Variants in SNTG1 observed in about 807,000 individuals in gnomAD.
SNTG1 encodes gamma-1-syntrophin.
Under a neutral mutation model 74.7 loss-of-function variants are expected in SNTG1, and 39 were observed. That is an observed-to-expected ratio of 0.52 (90% CI 0.40 to 0.68). The LOEUF (loss-of-function observed/expected upper bound fraction) is 0.68, where lower values mean the gene tolerates loss of function less well. Among genes scored for constraint, SNTG1 ranks in the 30% least tolerant of loss-of-function variants. The pLI is 0.00. For synonymous variants in SNTG1, 254 were observed against 217.1 expected (o/e 1.17, Z -1.49); for missense variants, 685 against 609.5 (o/e 1.12, Z -1.30).
At chr8:50,083,202 T>C (rs1037177905) in intron 1 of SNTG1, among the ~76,000 whole-genome samples, 1 of 152,208 alleles carries the variant, frequency 6.6e-6, no homozygotes, top group Admixed American at 6.5e-5. Context: ...TGTTTCTTAG[T>C]TGGTTTTATG....
intron 2 of SNTG1, among the ~76,000 whole-genome samples, chr8:50,245,154 C>A (rs1044118151): frequency 2.0e-5 from 3 of 152,128 alleles, no homozygotes; most frequent in South Asian, 2.1e-4. Flanking sequence ...ATTGTTCTCT[C>A]TCTTCCAAAT....
At chr8:50,160,370 G>C (rs1408375313) in intron 1 of SNTG1, among the ~76,000 whole-genome samples, 3 of 152,072 alleles carry the variant, frequency 2.0e-5, no homozygotes, top group African/African-American at 7.2e-5. Flanking sequence ...GTTGACTTTT[G>C]AGATGAATTT....
At chr8:49,915,809 G>A (rs912668943) in intron 1 of SNTG1, among the ~76,000 whole-genome samples, 3 of 152,126 alleles carry the variant, frequency 2.0e-5, no homozygotes, top group Admixed American at 6.5e-5. Flanking sequence ...GACAACATGC[G>A]GGCTGATCTA....
intron 11 of SNTG1, among the ~76,000 whole-genome samples, chr8:50,539,225 A>T (rs2094328656): frequency 6.6e-6 from 1 of 152,140 alleles, no homozygotes; most frequent in South Asian, 2.1e-4. Flanking sequence ...ATGACAAGTG[A>T]TTTAACAAAA....
intron 8 of SNTG1, among the ~76,000 whole-genome samples, chr8:50,452,109 C>A (rs985382212): frequency 1.3e-5 from 2 of 152,084 alleles, no homozygotes. Flanking sequence ...GCACAAGAAC[C>A]GAGACGAAGG....
chr8:50,575,616 G>A (rs1342148788), intron 12 of SNTG1: 3 of 152,394 alleles, frequency 2.0e-5, no homozygotes, highest in Admixed American at 6.5e-5. Flanking sequence ...GACTCTCCGT[G>A]AGGGCACTGC....
intron 1 of SNTG1, among the ~76,000 whole-genome samples, chr8:50,009,557 C>A (rs1249649053): frequency 6.6e-6 from 1 of 152,116 alleles, no homozygotes; most frequent in Non-Finnish European, 1.5e-5. Flanking sequence ...AGAACAAGTT[C>A]TTGTCATAGC....
chr8:50,088,210 T>C (rs2131134249), intron 1 of SNTG1, among the ~76,000 whole-genome samples: 1 of 151,986 alleles, frequency 6.6e-6, no homozygotes, highest in African/African-American at 2.4e-5. Flanking sequence ...GTTCCAAGTC[T>C]TTGCTAAAAA....
chr8:50,019,020 TAG>T (rs1340826198), intron 1 of SNTG1, among the ~76,000 whole-genome samples: 2 of 151,892 alleles, frequency 1.3e-5, no homozygotes, highest in Non-Finnish European at 2.9e-5. Flanking sequence ...AAAATAGAGA[TAG>T]AAAGTAGACT....
chr8:50,733,343 T>G (rs1374694317), intron 17 of SNTG1, among the ~76,000 whole-genome samples: 4 of 151,986 alleles, frequency 2.6e-5, no homozygotes, highest in Non-Finnish European at 4.4e-5. Context: ...GATAGGGACT[T>G]GGGTTGATTC....
chr8:50,536,094 T>C (rs1207340049), intron 10 of SNTG1, among the ~76,000 whole-genome samples: 1 of 152,194 alleles, frequency 6.6e-6, no homozygotes, highest in Non-Finnish European at 1.5e-5. Context: ...AGTAGTTGCC[T>C]TGATATGCAA....
Position 50,590,899 on chromosome 8 carries a change from C to T in SNTG1, c.831C>T (p.Asn277=). The change falls in exon 13 of 19, where the codon AAC becomes AAT. Residue 277 remains asparagine (N), a synonymous_variant. Coordinates refer to ENST00000642720, the MANE Select transcript of SNTG1 (RefSeq NM_018967.5). ...TKHNIKKINR[N]FPVNQQIVYM... is the part of the protein sequence containing the mutation. ...TGCAGATTAAAAAAATCAACAGAAACTTTCCTGTAAACCAGCAGGTAAGAT... is the reference window on the plus strand; with the variant it reads ...TGCAGATTAAAAAAATCAACAGAAATTTTCCTGTAAACCAGCAGGTAAGAT... The T allele has an allele frequency of 6.4e-7, 1 of 1,570,274 alleles. No homozygotes were observed. Among genetic ancestry groups the T allele is most frequent in the Non-Finnish European group, 8.7e-7 (1 of 1,154,448 alleles).
chr8:50,784,635 A>C (rs903133504), intron 18 of SNTG1, among the ~76,000 whole-genome samples: 1 of 152,216 alleles, frequency 6.6e-6, no homozygotes, highest in African/African-American at 2.4e-5. Flanking sequence ...GCAATTAAGC[A>C]GAAGAGTAAC....
chr8:50,704,684 G>C lies in SNTG1; in HGVS notation c.1123G>C (p.Glu375Gln), dbSNP rs1420062977. 6.2e-7 allele frequency: 1 copy of C among 1,614,042 alleles called. No homozygotes were observed. The highest frequency in any genetic ancestry group is 1.7e-5 in the Admixed American group (1 of 59,998). The change falls in exon 16 of 19, where the codon GAA becomes CAA. Residue 375 changes from glutamate to glutamine, a missense_variant. Transcript: ENST00000642720. ...GEDLYFSVEL[E>Q]SDLAQWERAF... ...GGACCTGTACTTCTCAGTGGAGCTG[G>C]AAAGTGACCTCGCCCAGTGGGAAAG...
chr8:50,179,023 A>T (rs1036097619), intron 2 of SNTG1, among the ~76,000 whole-genome samples: 1 of 152,164 alleles, frequency 6.6e-6, no homozygotes. Context: ...TGTGTGTTGT[A>T]TAAGAGTCCA....
intron 1 of SNTG1, among the ~76,000 whole-genome samples, chr8:50,112,515 CT>C (rs34942560): frequency 2.5e-3 from 197 of 77,592 alleles, no homozygotes; most frequent in African/African-American, 8.8e-3. Flanking sequence ...TTAGTTCTTT[CT>C]TTTTTTTTTT....
chr8:49,963,023 G>A (rs747805271), intron 1 of SNTG1, among the ~76,000 whole-genome samples: 43 of 152,306 alleles, frequency 2.8e-4, no homozygotes, highest in Admixed American at 5.2e-4. Context: ...GGCGGGAAGC[G>A]CAATCCAAGA....
chr8:50,708,027 C>T (rs1297728843), intron 16 of SNTG1: 1 of 287,214 alleles, frequency 3.5e-6, no homozygotes, highest in Non-Finnish European at 6.4e-6. Flanking sequence ...ATGGTGAAAC[C>T]CCGTCTCTAC....
chr8:49,960,339 T>C (rs1810565103), intron 1 of SNTG1, among the ~76,000 whole-genome samples: 3 of 152,182 alleles, frequency 2.0e-5, no homozygotes, highest in African/African-American at 7.2e-5. Context: ...ATTACAACTG[T>C]ATTAATAAAT....
Sources: allele counts gnomAD v4.1 joint callset (sites outside exome capture counted in the v4.1 genomes callset), GRCh38; gene constraint gnomAD v4.1.1; transcripts MANE v1.5; gene names NCBI Gene and HGNC (gene_info 2026-07-23, HGNC 2026-07-21).